Variants in ERC2 observed in about 807,000 individuals in gnomAD.
ERC2 encodes the protein ERC protein 2.
A neutral mutation model predicts 114.8 loss-of-function variants in ERC2; 42 were observed. That is an observed-to-expected ratio of 0.37 (90% CI 0.29 to 0.47). ERC2 has a LOEUF of 0.47. ERC2 is among the 20% of genes least tolerant of loss of function. The pLI is 0.99. For synonymous variants in ERC2, 454 were observed against 425.5 expected (o/e 1.07, Z -0.82); for missense variants, 939 against 1,150.7 (o/e 0.82, Z 2.66).
chr3:55,570,574 T>C (rs2056647718), intron 17 of ERC2, among the ~76,000 whole-genome samples: 1 of 152,096 alleles, frequency 6.6e-6, no homozygotes, highest in Non-Finnish European at 1.5e-5. Context: ...TCCCAGGAGT[T>C]CAAAGGGTTC....
chr3:56,208,141 A>C (rs1304823962), intron 3 of ERC2, among the ~76,000 whole-genome samples: 1 of 152,214 alleles, frequency 6.6e-6, no homozygotes, highest in Admixed American at 6.5e-5. Flanking sequence ...ACGCATCTTC[A>C]ACCAGATTTT....
chr3:55,990,468 C>A (rs2070973931), intron 11 of ERC2, among the ~76,000 whole-genome samples: 1 of 151,964 alleles, frequency 6.6e-6, no homozygotes, highest in African/African-American at 2.4e-5. Flanking sequence ...GGAATCTTGA[C>A]CCCAGGCTGG....
chr3:56,124,747 C>A (rs2079780755), intron 6 of ERC2, among the ~76,000 whole-genome samples: 1 of 152,026 alleles, frequency 6.6e-6, no homozygotes, highest in Non-Finnish European at 1.5e-5. Context: ...ATGACGAGCA[C>A]CAACAGGTGT....
chr3:56,453,688 A>C (rs779385002), intron 1 of ERC2, among the ~76,000 whole-genome samples: 1 of 152,146 alleles, frequency 6.6e-6, no homozygotes, highest in Non-Finnish European at 1.5e-5. Context: ...CATACAACCA[A>C]CTATTTTAAT....
chr3:56,169,110 C>T (rs2082483680), intron 4 of ERC2, among the ~76,000 whole-genome samples: 1 of 152,216 alleles, frequency 6.6e-6, no homozygotes, highest in South Asian at 2.1e-4. Flanking sequence ...CATTATGCCT[C>T]TGGCTTCTTA....
intron 3 of ERC2, among the ~76,000 whole-genome samples, chr3:56,275,387 CCTT>C (rs923412345): frequency 6.6e-6 from 1 of 152,038 alleles, no homozygotes; most frequent in African/African-American, 2.4e-5. Context: ...TTGGGTATAC[CCTT>C]CTTGTTGCTT....
At chr3:56,340,224 G>A (rs999251934) in intron 2 of ERC2, among the ~76,000 whole-genome samples, 6 of 152,098 alleles carry the variant, frequency 3.9e-5, no homozygotes, top group Admixed American at 3.9e-4. Context: ...CTCTGATAAG[G>A]ACAGCATTAA....
intron 14 of ERC2, among the ~76,000 whole-genome samples, chr3:55,765,064 G>A (rs900445345): frequency 2.6e-5 from 4 of 152,076 alleles, no homozygotes; most frequent in African/African-American, 4.8e-5. Flanking sequence ...ACAGGAGATC[G>A]CTTCTTGTCT....
chr3:56,413,810 C>T (rs762962013), intron 2 of ERC2, among the ~76,000 whole-genome samples: 8 of 152,170 alleles, frequency 5.3e-5, no homozygotes, highest in Non-Finnish European at 8.8e-5. Flanking sequence ...TGAAACACCT[C>T]GGGAAATTTC....
At chr3:56,080,265 AAAGG>A (rs1483136239) in intron 7 of ERC2, among the ~76,000 whole-genome samples, 1 of 152,182 alleles carries the variant, frequency 6.6e-6, no homozygotes, top group Non-Finnish European at 1.5e-5. Context: ...TCGAGCTGCT[AAAGG>A]AAGGAAGGAA....
At chr3:56,053,402 T>C (rs1043641140) in intron 7 of ERC2, among the ~76,000 whole-genome samples, 2 of 152,090 alleles carry the variant, frequency 1.3e-5, no homozygotes, top group Non-Finnish European at 2.9e-5. Context: ...TCTTTCTGGA[T>C]GTGGGGTAGA....
chr3:56,153,095 G>T (rs889208546), intron 4 of ERC2, among the ~76,000 whole-genome samples: 1 of 152,028 alleles, frequency 6.6e-6, no homozygotes, highest in Non-Finnish European at 1.5e-5. Context: ...TCTATCTCTA[G>T]ATTTCTCTAG....
At chr3:55,673,176 C>T (rs1399171755) in intron 17 of ERC2, among the ~76,000 whole-genome samples, 20 of 152,108 alleles carry the variant, frequency 1.3e-4, no homozygotes, top group Non-Finnish European at 1.5e-5. Context: ...TGTACTGAGC[C>T]CAAATCATGT....
chr3:55,839,912 A>C lies in ERC2; in HGVS notation c.2564+48477T>G, dbSNP rs181239460. ...CAAAGATTTTCATACTGGATAAAAA[A>C]GCAAGACTCAAATATATGCAGTCTA... On this transcript the variant is annotated intron_variant, in intron 14 of 17. Coordinates refer to ENST00000288221, the MANE Select transcript of ERC2 (RefSeq NM_015576.3). Among the ~76,000 whole-genome samples the C allele has an allele frequency of 2.6e-3, 399 of 152,196 alleles. 3 individuals are homozygous for C. The highest frequency in any genetic ancestry group is 8.6e-3 in the African/African-American group (358 of 41,576).
chr3:55,667,664 G>A lies in ERC2; in HGVS notation c.*39+16130C>T, dbSNP rs536235661. Among the ~76,000 whole-genome samples, 9 of 152,286 alleles carry A rather than the reference G, an allele frequency of 5.9e-5. 1 individual carries two copies. In the South Asian group the frequency reaches 1.9e-3, roughly 32 times the overall value. ...TGCCTCTCCTAAGCAATTACACCGT[G>A]CCCAGCACTTCACTTAGTGCCTGGC... On this transcript the variant is annotated intron_variant, in intron 17 of 17. Transcript: ENST00000288221.
intron 3 of ERC2, among the ~76,000 whole-genome samples, chr3:56,272,424 T>A (rs770974829): frequency 2.0e-5 from 3 of 152,220 alleles, no homozygotes; most frequent in Admixed American, 2.0e-4. Context: ...TTGGTGACTA[T>A]TCAGATGCAA....
chr3:55,581,820 G>A (rs2057276127), intron 17 of ERC2, among the ~76,000 whole-genome samples: 1 of 152,174 alleles, frequency 6.6e-6, no homozygotes, highest in African/African-American at 2.4e-5. Flanking sequence ...GGACAGGTGG[G>A]TTAGCAGATG....
intron 2 of ERC2, among the ~76,000 whole-genome samples, chr3:56,348,951 GGAAGGAAAGAAAGAAA>G (rs1321518323): frequency 1.0e-5 from 1 of 98,900 alleles, no homozygotes; most frequent in African/African-American, 3.2e-5. Flanking sequence ...AAGGAAGGAA[GGAAGGAAAGAAAGAAA>G]GAAGGAAAGA....
intron 5 of ERC2, among the ~76,000 whole-genome samples, chr3:56,147,525 T>C (rs1273118597): frequency 6.6e-6 from 1 of 152,150 alleles, no homozygotes; most frequent in Non-Finnish European, 1.5e-5. Context: ...ATAAATATAA[T>C]TTCCTCCCTA....
Sources: gnomAD v4.1 joint callset for allele counts (sites outside exome capture counted in the v4.1 genomes callset) on GRCh38, gnomAD v4.1.1 for gene constraint, MANE v1.5 for transcripts, NCBI Gene and HGNC (gene_info 2026-07-23, HGNC 2026-07-21) for gene names.